The following THSD7A variants were observed in gnomAD, a reference collection of about 807,000 sequenced individuals.
The protein encoded by THSD7A is thrombospondin type-1 domain-containing protein 7A.
Under a neutral mutation model 231.3 loss-of-function variants are expected in THSD7A, and 96 were observed. That is an observed-to-expected ratio of 0.41 (90% CI 0.35 to 0.49). The LOEUF is 0.49. Among genes scored for constraint, THSD7A ranks in the 20% least tolerant of loss-of-function variants. The pLI is 0.05. For missense variants in THSD7A, 2,290 were observed against 2,070.2 expected (o/e 1.11, Z -2.06); for synonymous variants, 940 against 743.3 (o/e 1.26, Z -4.30).
intron 6 of THSD7A, among the ~76,000 whole-genome samples, chr7:11,531,620 T>C (rs1012881745): frequency 6.6e-6 from 1 of 152,204 alleles, no homozygotes; most frequent in African/African-American, 2.4e-5. Context: ...TCTCATCTCC[T>C]TTGTGTCTCT....
At chr7:11,767,687 C>A (rs1009395040) in intron 1 of THSD7A, among the ~76,000 whole-genome samples, 1 of 152,064 alleles carries the variant, frequency 6.6e-6, no homozygotes, top group Non-Finnish European at 1.5e-5. Context: ...ACAGAAAAAC[C>A]TAGAAGAGTT....
chr7:11,424,591 A>G (rs1277441492), intron 16 of THSD7A, 105 bp downstream of exon 16: 3 of 1,503,462 alleles, frequency 2.0e-6, no homozygotes, highest in Admixed American at 1.9e-5. Flanking sequence ...ACTGCAGACA[A>G]TTTTATCCAG....
intron 4 of THSD7A, among the ~76,000 whole-genome samples, chr7:11,546,054 A>G (rs982018707): frequency 1.3e-5 from 2 of 152,100 alleles, no homozygotes; most frequent in Non-Finnish European, 2.9e-5. Context: ...AGCAGCTGCT[A>G]CTGTAGCTCC....
chr7:11,698,744 G>A (rs1780478659), intron 1 of THSD7A, among the ~76,000 whole-genome samples: 1 of 151,314 alleles, frequency 6.6e-6, no homozygotes, highest in Admixed American at 6.6e-5. Context: ...AACATTGAAA[G>A]GAAGTACAGA....
chr7:11,534,920 G>A (rs1008162896), intron 6 of THSD7A, among the ~76,000 whole-genome samples: 19 of 152,166 alleles, frequency 1.2e-4, no homozygotes, highest in African/African-American at 4.3e-4. Flanking sequence ...AAGGCAGGAG[G>A]ATTGCTGGCA....
At chr7:11,741,846 T>C (rs1008062337) in intron 1 of THSD7A, among the ~76,000 whole-genome samples, 1 of 151,958 alleles carries the variant, frequency 6.6e-6, no homozygotes, top group Non-Finnish European at 1.5e-5. Flanking sequence ...TAAAACTACC[T>C]TAAGTTTGTA....
chr7:11,779,990 G>T (rs146898086), intron 1 of THSD7A, among the ~76,000 whole-genome samples: 1 of 152,130 alleles, frequency 6.6e-6, no homozygotes, highest in Non-Finnish European at 1.5e-5. Flanking sequence ...AATTGCCATC[G>T]ATTGAGTGAC....
chr7:11,625,435 A>G (rs959643226), intron 2 of THSD7A, among the ~76,000 whole-genome samples: 1 of 152,086 alleles, frequency 6.6e-6, no homozygotes, highest in Non-Finnish European at 1.5e-5. Context: ...ACTCAAACAA[A>G]TTTTTCATCA....
At chr7:11,578,153 G>C (rs13229567) in intron 4 of THSD7A, among the ~76,000 whole-genome samples, 1 of 151,864 alleles carries the variant, frequency 6.6e-6, no homozygotes, top group Non-Finnish European at 1.5e-5. Flanking sequence ...TGCATGCTAA[G>C]GATTTGGAGC....
rs7811269 is a variant in THSD7A, at chr7:11,377,733, C to A, written c.4802-1076G>T. 48 of 151,878 alleles carry A rather than the reference C, an allele frequency of 3.2e-4. No individual in the cohort carries two copies. Among genetic ancestry groups the A allele is most frequent in the African/African-American group, 1.0e-3 (42 of 41,322 alleles). The allele number at this position is 151,878 out of a possible 1,614,324, so 9.4% of individuals were successfully genotyped here. A position where few individuals can be genotyped will look rare whatever the true frequency, so the allele number is the denominator to read the frequency against. ...GGATCTCTGTTGAGAGTTTCTTCAA[C>A]AAATGTTTTTTGGGGTTTTTCAAAA... On this transcript the variant is annotated intron_variant, in intron 26 of 27. Coordinates refer to ENST00000423059, the MANE Select transcript of THSD7A (RefSeq NM_015204.3). This position sits in a 1 kb window ranked among gnomAD's most constrained non-coding sequence, Gnocchi z 4.5.
At chr7:11,422,512 A>C (rs1440052416) in intron 16 of THSD7A, among the ~76,000 whole-genome samples, 17 of 150,544 alleles carry the variant, frequency 1.1e-4, no homozygotes, top group Non-Finnish European at 5.9e-5. Flanking sequence ...TTTGCATTGA[A>C]GTTGTTTACT....
intron 6 of THSD7A, among the ~76,000 whole-genome samples, chr7:11,506,415 C>T (rs1787546883): frequency 6.6e-6 from 1 of 152,210 alleles, no homozygotes; most frequent in South Asian, 2.1e-4. Flanking sequence ...CATTCATTTA[C>T]ATCCTGATGG....
chr7:11,630,007 C>A (rs558361918), intron 2 of THSD7A, among the ~76,000 whole-genome samples: 1 of 152,218 alleles, frequency 6.6e-6, no homozygotes, highest in Middle Eastern at 3.4e-3. Context: ...TACTCTGTAG[C>A]CATGAATGCA....
intron 16 of THSD7A, among the ~76,000 whole-genome samples, chr7:11,420,606 T>C (rs1277775941): frequency 6.6e-6 from 1 of 152,068 alleles, no homozygotes; most frequent in Non-Finnish European, 1.5e-5. Context: ...AAATGTGGGG[T>C]TGGGCCCCCC....
intron 1 of THSD7A, among the ~76,000 whole-genome samples, chr7:11,818,249 C>T (rs915582877): frequency 6.6e-6 from 1 of 152,198 alleles, no homozygotes; most frequent in Non-Finnish European, 1.5e-5. Context: ...ATTAGAAAGC[C>T]CTGTATTGGC....
intron 4 of THSD7A, among the ~76,000 whole-genome samples, chr7:11,569,483 T>A (rs776858674): frequency 1.3e-5 from 2 of 152,140 alleles, no homozygotes; most frequent in Non-Finnish European, 2.9e-5. Context: ...TGAGAGATCA[T>A]CTCATCCAGT....
At position 11,446,910 on chromosome 7, in the gene THSD7A, A is replaced by C. The variant is rs1026710421; in HGVS notation, c.2800+320T>G. Among the ~76,000 whole-genome samples, 1 of 152,136 alleles carries C rather than the reference A, an allele frequency of 6.6e-6. No homozygotes were observed. Among genetic ancestry groups the C allele is most frequent in the Admixed American group, 6.6e-5 (1 of 15,262 alleles). On this transcript the variant is annotated intron_variant, in intron 12 of 27. Transcript: ENST00000423059. The surrounding 1 kb of genome is among the most constrained non-coding windows in gnomAD (Gnocchi z 4.0). ...GACAGTGAGAATGGGTTAACAAAGT[A>C]GCAACTTTTTCTCTTGTTCCCCAAA...
intron 2 of THSD7A, among the ~76,000 whole-genome samples, chr7:11,602,887 T>G (rs557618250): frequency 6.6e-6 from 1 of 150,986 alleles, no homozygotes; most frequent in African/African-American, 2.4e-5. Flanking sequence ...GTTGATGGAT[T>G]AAAGACTTAA....
At chr7:11,702,002 G>A (rs1780619526) in intron 1 of THSD7A, among the ~76,000 whole-genome samples, 1 of 151,110 alleles carries the variant, frequency 6.6e-6, no homozygotes. Flanking sequence ...CCTCAACTCT[G>A]ACCACAGTCC....
Sources: allele counts gnomAD v4.1 joint callset (sites outside exome capture counted in the v4.1 genomes callset), GRCh38; gene constraint gnomAD v4.1.1; non-coding constraint Gnocchi (gnomAD v3.1); transcripts MANE v1.5; gene names NCBI Gene and HGNC (gene_info 2026-07-23, HGNC 2026-07-21).